WWOX: variants seen among roughly 807,000 people sequenced by gnomAD.
The protein encoded by WWOX is WW domain-containing oxidoreductase.
Under a neutral mutation model 46.2 loss-of-function variants are expected in WWOX, and 69 were observed. That is an observed-to-expected ratio of 1.49 (90% confidence interval 1.23 to 1.82). WWOX has a LOEUF of 1.82. Among genes scored for constraint, WWOX ranks in the 40% most tolerant of loss-of-function variants. The probability of loss-of-function intolerance (pLI) is 0.00; values close to 1 mark genes in which losing one functional copy is unlikely to be tolerated. For synonymous variants in WWOX, 359 were observed against 202.6 expected (o/e 1.77, Z -6.56); for missense variants, 919 against 542.6 (o/e 1.69, Z -6.89).
intron 5 of WWOX, among the ~76,000 whole-genome samples, chr16:78,170,646 C>T (rs1190875982): frequency 1.3e-5 from 2 of 152,182 alleles, no homozygotes; most frequent in Admixed American, 1.3e-4. Context: ...TTAGTATTTT[C>T]CAGTGTAGCT....
chr16:78,360,928 C>T (rs954192808), intron 5 of WWOX, among the ~76,000 whole-genome samples: 3 of 152,020 alleles, frequency 2.0e-5, no homozygotes, highest in African/African-American at 4.8e-5. Flanking sequence ...TCAAGCGATC[C>T]TCCCACCTCA....
At chr16:78,947,270 A>G (rs1322789918) in intron 8 of WWOX, among the ~76,000 whole-genome samples, 1 of 152,140 alleles carries the variant, frequency 6.6e-6, no homozygotes, top group Non-Finnish European at 1.5e-5. Flanking sequence ...AGCCACTTAG[A>G]TTTTTAACTC....
At chr16:78,200,526 A>G (rs945674268) in intron 5 of WWOX, among the ~76,000 whole-genome samples, 1 of 150,082 alleles carries the variant, frequency 6.7e-6, no homozygotes, top group African/African-American at 2.5e-5. Context: ...CATCCATTAC[A>G]CCATAAAGTA....
intron 8 of WWOX, among the ~76,000 whole-genome samples, chr16:79,182,805 C>T (rs765503380): frequency 1.3e-5 from 2 of 152,176 alleles, no homozygotes; most frequent in Admixed American, 6.5e-5. Flanking sequence ...TGGCACAGAA[C>T]GAGCACTGTG....
chr16:78,577,779 A>C (rs770569062), intron 8 of WWOX, among the ~76,000 whole-genome samples: 1 of 152,118 alleles, frequency 6.6e-6, no homozygotes, highest in Non-Finnish European at 1.5e-5. Context: ...TTTGCGAACG[A>C]TCTGTTGCTA....
In WWOX at chr16:78,922,953, C is replaced by T. The variant is rs187626329; in HGVS notation, c.1057-288655C>T. ...CTAACATCTTTAGATAAAAATATTC[C>T]ATATTCAGGAGGCATAATTCTTTCT... On this transcript the variant is annotated intron_variant, in intron 8 of 8. Coordinates refer to ENST00000566780, the MANE Select transcript of WWOX (RefSeq NM_016373.4). 2.0e-5 allele frequency among the ~76,000 whole-genome samples: 3 copies of T among 150,422 alleles called. No individual in the cohort carries two copies. The East Asian group carries it at 5.9e-4, about 30-fold the overall frequency.
intron 8 of WWOX, among the ~76,000 whole-genome samples, chr16:78,933,058 G>C (rs72806764): frequency 0.12 from 18,155 of 152,202 alleles, 1,221 homozygotes; most frequent in Middle Eastern, 0.16. Context: ...GGGCTGGACT[G>C]GGGGAGCAAG....
intron 8 of WWOX, among the ~76,000 whole-genome samples, chr16:78,522,632 T>C (rs2043373850): frequency 6.6e-6 from 1 of 152,202 alleles, no homozygotes; most frequent in Non-Finnish European, 1.5e-5. Flanking sequence ...CAAGAGGAAA[T>C]GGTATTCTAT....
chr16:78,927,899 T>TA (rs1235019528), intron 8 of WWOX, among the ~76,000 whole-genome samples: 1 of 152,196 alleles, frequency 6.6e-6, no homozygotes, highest in Non-Finnish European at 1.5e-5. Flanking sequence ...CCCAGACACT[T>TA]ACATATTCCT....
At chr16:78,696,273 A>T (rs962142964) in intron 8 of WWOX, among the ~76,000 whole-genome samples, 1 of 152,046 alleles carries the variant, frequency 6.6e-6, no homozygotes, top group Non-Finnish European at 1.5e-5. Flanking sequence ...ACATCACGGG[A>T]TTTTCTACAG....
intron 8 of WWOX, among the ~76,000 whole-genome samples, chr16:78,487,785 C>A (rs148957939): frequency 6.6e-6 from 1 of 152,116 alleles, no homozygotes; most frequent in African/African-American, 2.4e-5. Flanking sequence ...GAGCTACATT[C>A]TTAGCTGCTT....
At chr16:79,195,677 G>T (rs1354570103) in intron 8 of WWOX, among the ~76,000 whole-genome samples, 2 of 152,216 alleles carry the variant, frequency 1.3e-5, no homozygotes, top group African/African-American at 4.8e-5. Context: ...AAGCCAGCTT[G>T]TCTAGACCGG....
chr16:78,483,553 C>A (rs947080789), intron 8 of WWOX, among the ~76,000 whole-genome samples: 1 of 151,740 alleles, frequency 6.6e-6, no homozygotes, highest in Non-Finnish European at 1.5e-5. Context: ...ACCGGCCTTT[C>A]CCAGTGGTGC....
chr16:78,986,168 C>T lies in WWOX; in HGVS notation c.1057-225440C>T, dbSNP rs141985310. Among the ~76,000 whole-genome samples the T allele has an allele frequency of 5.6e-3, 852 of 152,248 alleles. 14 individuals are homozygous for T. Among genetic ancestry groups the T allele is most frequent in the African/African-American group, 0.019 (786 of 41,542 alleles). ...CTGGTTCTGTCAGCATTTCCCTAGG[C>T]GAGATGAGTCACACATTTATATTTT... On this transcript the variant is annotated intron_variant, in intron 8 of 8. Coordinates refer to ENST00000566780, the MANE Select transcript of WWOX (RefSeq NM_016373.4).
intron 8 of WWOX, among the ~76,000 whole-genome samples, chr16:78,997,818 T>A (rs1246200343): frequency 6.6e-6 from 1 of 152,194 alleles, no homozygotes; most frequent in Non-Finnish European, 1.5e-5. Flanking sequence ...CTCTGCAGAT[T>A]TCACGCTGCC....
At chr16:79,093,975 C>G (rs921217657) in intron 8 of WWOX, among the ~76,000 whole-genome samples, 1 of 152,196 alleles carries the variant, frequency 6.6e-6, no homozygotes, top group African/African-American at 2.4e-5. Flanking sequence ...TCATATACCA[C>G]TTCCACAAAT....
In WWOX at chr16:78,761,381, G is replaced by C. The variant is rs77687653; in HGVS notation, c.1056+328629G>C. On this transcript the variant is annotated intron_variant, in intron 8 of 8. Coordinates refer to ENST00000566780, the MANE Select transcript of WWOX (RefSeq NM_016373.4). ...ATGAGTTTTCAGGGAGAACTCTTTA[G>C]CATTTACATTTTAATTTAGTTTTGT... 2.2e-3 allele frequency among the ~76,000 whole-genome samples: 341 copies of C among 152,200 alleles called. 2 individuals carry two copies. The highest frequency in any genetic ancestry group is 7.7e-3 in the African/African-American group (321 of 41,524).
intron 8 of WWOX, among the ~76,000 whole-genome samples, chr16:79,139,359 A>G (rs571303907): frequency 1.3e-5 from 2 of 152,270 alleles, no homozygotes; most frequent in South Asian, 2.1e-4. Flanking sequence ...ATCCACTTTA[A>G]TGTTGTTCTC....
At chr16:78,314,405 C>CAAA (rs56032982) in intron 5 of WWOX, among the ~76,000 whole-genome samples, 10,391 of 101,240 alleles carry the variant, frequency 0.1, 545 homozygotes, top group East Asian at 0.13. Context: ...GACTCTGTCT[C>CAAA]AAAAAAAAAA....
Sources: gnomAD v4.1 joint callset for allele counts (sites outside exome capture counted in the v4.1 genomes callset) on GRCh38, gnomAD v4.1.1 for gene constraint, MANE v1.5 for transcripts, NCBI Gene and HGNC (gene_info 2026-07-23, HGNC 2026-07-21) for gene names.